The following SH3RF1 variants were observed in gnomAD, a reference collection of about 807,000 sequenced individuals.
The protein encoded by SH3RF1 is SH3 domain containing ring finger 1.
Under a neutral mutation model 74.0 loss-of-function variants are expected in SH3RF1, and 32 were observed. That is an observed-to-expected ratio of 0.43 (90% confidence interval 0.33 to 0.58). SH3RF1 has a LOEUF of 0.58. Among genes scored for constraint, SH3RF1 ranks in the 20% least tolerant of loss-of-function variants. The pLI is 0.05. For missense variants in SH3RF1, 954 were observed against 1,130.9 expected, an observed-to-expected ratio of 0.84 and a Z score of 2.24; for synonymous variants, 396 against 439.6, an observed-to-expected ratio of 0.90 and a Z score of 1.24.
At chr4:169,241,085 C>A (rs568660456) in intron 2 of SH3RF1, among the ~76,000 whole-genome samples, 1 of 152,234 alleles carries the variant, frequency 6.6e-6, no homozygotes, top group South Asian at 2.1e-4. Flanking sequence ...AAAAAATTAG[C>A]CAAGCGTGGT....
At chr4:169,147,734 C>G (rs982020075) in intron 4 of SH3RF1, among the ~76,000 whole-genome samples, 2 of 152,128 alleles carry the variant, frequency 1.3e-5, no homozygotes, top group Non-Finnish European at 2.9e-5. Flanking sequence ...TCTAGAGAAG[C>G]CTGTTCCCCA....
At chr4:169,235,273 G>A (rs1186912692) in intron 2 of SH3RF1, among the ~76,000 whole-genome samples, 3 of 151,980 alleles carry the variant, frequency 2.0e-5, no homozygotes, top group Non-Finnish European at 2.9e-5. Flanking sequence ...GACTAAACTC[G>A]TCATCAAAGT....
chr4:169,177,074 T>C (rs56283856), intron 2 of SH3RF1, among the ~76,000 whole-genome samples: 6,341 of 152,130 alleles, frequency 0.042, 436 homozygotes, highest in African/African-American at 0.14. Context: ...GTAAGCCACC[T>C]CCCCCAGCCT....
chr4:169,233,864 C>T (rs969796135), intron 2 of SH3RF1, among the ~76,000 whole-genome samples: 1 of 152,114 alleles, frequency 6.6e-6, no homozygotes, highest in East Asian at 1.9e-4. Context: ...GAGGGTCTTC[C>T]TTCCCCCACG....
intron 6 of SH3RF1, among the ~76,000 whole-genome samples, chr4:169,123,313 A>G (rs1193879515): frequency 6.6e-6 from 1 of 152,238 alleles, no homozygotes; most frequent in East Asian, 1.9e-4. Context: ...ATAGACATAC[A>G]TAGTTCCAGA....
chr4:169,142,920 T>C (rs1210929885), intron 4 of SH3RF1, among the ~76,000 whole-genome samples: 1 of 129,304 alleles, frequency 7.7e-6, no homozygotes, highest in Non-Finnish European at 1.7e-5. Flanking sequence ...AGGTTTTTGT[T>C]TTTGGATGAC....
rs1561061763 is a variant in SH3RF1 at position 169,238,963 on chromosome 4, CG to C, written c.393+29856del. Among the ~76,000 whole-genome samples the C allele has an allele frequency of 7.8e-4, 16 of 20,622 alleles. No homozygotes were observed. In the South Asian group the frequency reaches 0.093, roughly 120 times the overall value. 13.5% of individuals were successfully genotyped at this position (20,622 alleles called of 152,430 possible). Reference sequence around the variant, plus strand: ...GGTAAATGACTTCAAAGCTAATTTCCGCCCCCCCCCACCCCTTGCCCTTTTT... The same window carrying C: ...GGTAAATGACTTCAAAGCTAATTTCCCCCCCCCCCACCCCTTGCCCTTTTT... On this transcript the variant is annotated intron_variant, in intron 2 of 11. Coordinates refer to ENST00000284637, the MANE Select transcript of SH3RF1 (RefSeq NM_020870.4).
chr4:169,117,695 C>T lies in SH3RF1; in HGVS notation c.1605G>A (p.Thr535=), dbSNP rs370762756. ...GGAGCTTCTGGGCAGGCCCTCCTGCCGTGGAAGGACTGACCATGGTCACTC... is the reference window on the plus strand; with the variant it reads ...GGAGCTTCTGGGCAGGCCCTCCTGCTGTGGAAGGACTGACCATGGTCACTC... ...SRGVTMVSPS[T]AGGPAQKLQG... is the part of the protein sequence containing the mutation. The change falls in exon 9 of 12, where the codon ACG becomes ACA. Residue 535 remains threonine (T), a synonymous_variant. Coordinates refer to ENST00000284637, the MANE Select transcript of SH3RF1 (RefSeq NM_020870.4). 4.5e-5 allele frequency: 72 copies of T among 1,614,018 alleles called. No individual in the cohort carries two copies. Among genetic ancestry groups the T allele is most frequent in the Non-Finnish European group, 5.3e-5 (62 of 1,180,034 alleles).
intron 2 of SH3RF1, among the ~76,000 whole-genome samples, chr4:169,250,318 TAAAA>T (rs5863991): frequency 6.9e-6 from 1 of 144,242 alleles, no homozygotes; most frequent in Admixed American, 6.9e-5. Context: ...CTCTTGGGTT[TAAAA>T]AAAAAAAAGC....
rs10028359 is a variant in SH3RF1 at position 169,107,477 on chromosome 4, T to A, written c.2140-272A>T. On this transcript the variant is annotated intron_variant, in intron 10 of 11. Coordinates refer to ENST00000284637, the MANE Select transcript of SH3RF1 (RefSeq NM_020870.4). ...CTCCTCCTTCTCCCTTTCTGCTATA[T>A]ATTTTTTTGTTTGGTTTTGGACATT... Among the ~76,000 whole-genome samples the A allele has an allele frequency of 7.2e-3, 1,099 of 152,316 alleles. 13 individuals carry two copies. Among genetic ancestry groups the A allele is most frequent in the African/African-American group, 0.025 (1,053 of 41,548 alleles).
At chr4:169,194,542 G>A (rs1355822591) in intron 2 of SH3RF1, among the ~76,000 whole-genome samples, 1 of 152,086 alleles carries the variant, frequency 6.6e-6, no homozygotes, top group Non-Finnish European at 1.5e-5. Context: ...ATGATTACGT[G>A]TGTCAGTTTA....
intron 2 of SH3RF1, among the ~76,000 whole-genome samples, chr4:169,234,682 A>G (rs1730798610): frequency 6.6e-6 from 1 of 152,236 alleles, no homozygotes; most frequent in Admixed American, 6.5e-5. Flanking sequence ...CATTTCCAAT[A>G]GATCACTACA....
intron 10 of SH3RF1, among the ~76,000 whole-genome samples, chr4:169,116,029 T>TGCATGA (rs1348632785): frequency 6.6e-6 from 1 of 152,106 alleles, no homozygotes; most frequent in Admixed American, 6.5e-5. Flanking sequence ...GCACTGAGTC[T>TGCATGA]GGCAAGTAGT....
At chr4:169,108,807 C>A (rs748696773) in intron 10 of SH3RF1, among the ~76,000 whole-genome samples, 1 of 152,192 alleles carries the variant, frequency 6.6e-6, no homozygotes, top group African/African-American at 2.4e-5. Context: ...CTGTATATAC[C>A]TCTCTATCTC....
intron 10 of SH3RF1, among the ~76,000 whole-genome samples, chr4:169,110,554 C>A (rs1427082775): frequency 1.3e-5 from 2 of 152,026 alleles, no homozygotes; most frequent in African/African-American, 4.8e-5. Context: ...TGCTTGAGTC[C>A]AGGAGTTCAA....
intron 2 of SH3RF1, among the ~76,000 whole-genome samples, chr4:169,207,249 A>G (rs1023122872): frequency 6.6e-6 from 1 of 152,164 alleles, no homozygotes. Context: ...CCTGGCCAAA[A>G]GACGCCACCT....
At chr4:169,205,337 G>T (rs968291073) in intron 2 of SH3RF1, among the ~76,000 whole-genome samples, 5 of 152,120 alleles carry the variant, frequency 3.3e-5, no homozygotes, top group African/African-American at 1.2e-4. Flanking sequence ...TGTCTTTGGA[G>T]AAACAGAAAT....
At position 169,203,055 on chromosome 4, in the gene SH3RF1, A is replaced by G. The variant is rs113165277; in HGVS notation, c.394-46376T>C. Among the ~76,000 whole-genome samples, 955 of 152,350 alleles carry G rather than the reference A, an allele frequency of 6.3e-3. 4 individuals are homozygous for G. The highest frequency in any genetic ancestry group is 0.01 in the Non-Finnish European group (712 of 68,028). On this transcript the variant is annotated intron_variant, in intron 2 of 11. Coordinates refer to ENST00000284637, the MANE Select transcript of SH3RF1 (RefSeq NM_020870.4). ...ATGGAAGGGCTCTGAGAAGTTCTGCAGCAAAGAAACCTGTTTATTGTTAAG... is the reference window on the plus strand; with the variant it reads ...ATGGAAGGGCTCTGAGAAGTTCTGCGGCAAAGAAACCTGTTTATTGTTAAG...
At chr4:169,163,738 T>C (rs1233336868) in intron 2 of SH3RF1, among the ~76,000 whole-genome samples, 1 of 152,174 alleles carries the variant, frequency 6.6e-6, no homozygotes, top group Non-Finnish European at 1.5e-5. Flanking sequence ...CAGTCTGCTG[T>C]CATCACCTCC....
Sources: gnomAD v4.1 joint callset for allele counts (sites outside exome capture counted in the v4.1 genomes callset) on GRCh38, gnomAD v4.1.1 for gene constraint, MANE v1.5 for transcripts, NCBI Gene and HGNC (gene_info 2026-07-23, HGNC 2026-07-21) for gene names.